ECT2L: variants seen among roughly 807,000 people sequenced by gnomAD.
ECT2L encodes epithelial cell transforming 2 like, also known as epithelial cell-transforming sequence 2 oncogene-like.
A neutral mutation model predicts 122.8 loss-of-function variants in ECT2L; 126 were observed. The observed-to-expected ratio is 1.03, with a 90% CI of 0.89 to 1.19. The LOEUF is 1.19. ECT2L is among the 50% of genes most tolerant of loss of function. The pLI, the probability that ECT2L is intolerant of heterozygous loss-of-function variation, is 0.00. For synonymous variants in ECT2L, 385 were observed against 381.8 expected (o/e 1.01, Z -0.10); for missense variants, 1,012 against 1,064.1 (o/e 0.95, Z 0.68).
intron 20 of ECT2L, among the ~76,000 whole-genome samples, chr6:138,890,453 C>G (rs369199479): frequency 7.1e-6 from 1 of 141,556 alleles, no homozygotes; most frequent in Non-Finnish European, 1.5e-5. Flanking sequence ...CACAATATGT[C>G]ACTTTTCTCA....
At chr6:138,901,260 T>A in intron 21 of ECT2L, 140 bp downstream of exon 21, 1 of 862,692 alleles carries the variant, frequency 1.2e-6, no homozygotes, top group Non-Finnish European at 1.7e-6. Flanking sequence ...AGAATTTCAT[T>A]AAACAATGTA....
chr6:138,861,299 G>A (rs546848532), intron 10 of ECT2L, among the ~76,000 whole-genome samples: 24 of 152,182 alleles, frequency 1.6e-4, no homozygotes, highest in East Asian at 1.2e-3. Context: ...TTGAGGAATC[G>A]CCACACTGTC....
intron 1 of ECT2L, among the ~76,000 whole-genome samples, chr6:138,797,596 A>G (rs1775388452): frequency 1.3e-5 from 2 of 151,988 alleles, no homozygotes; most frequent in South Asian, 2.1e-4. Flanking sequence ...TGGGCTGGCA[A>G]TTGTTCAGCC....
intron 4 of ECT2L, among the ~76,000 whole-genome samples, chr6:138,825,604 G>T (rs571795573): frequency 3.6e-4 from 54 of 152,018 alleles, no homozygotes; most frequent in Non-Finnish European, 6.2e-4. Context: ...GAAAAGAAAA[G>T]AAAAGAATAC....
rs950001633 is a variant in ECT2L at position 138,840,804 on chromosome 6, T to G, written c.343-2175T>G. ...TTTTGAGTCTGAGACTTAATATCTT[T>G]TATCAGTTTTGAAATGTTCTCAGAT... is the stretch of plus-strand genomic sequence containing the variant. On this transcript the variant is annotated intron_variant, in intron 5 of 21. Transcript: ENST00000541398. Among the ~76,000 whole-genome samples the G allele has an allele frequency of 6.6e-5, 10 of 152,284 alleles. No individual in the cohort carries two copies. The East Asian group carries it at 1.9e-3, about 29-fold the overall frequency.
intron 4 of ECT2L, among the ~76,000 whole-genome samples, chr6:138,832,054 T>C (rs761214171): frequency 5.3e-5 from 8 of 152,186 alleles, no homozygotes; most frequent in African/African-American, 1.4e-4. Flanking sequence ...TAAATGACTT[T>C]ATAATATTCA....
At chr6:138,831,537 C>T (rs954232248) in intron 4 of ECT2L, among the ~76,000 whole-genome samples, 2 of 152,198 alleles carry the variant, frequency 1.3e-5, no homozygotes, top group Non-Finnish European at 2.9e-5. Flanking sequence ...TCTTCTACCT[C>T]CACTGCCTTC....
At chr6:138,875,842 C>T (rs568792151) in intron 13 of ECT2L, among the ~76,000 whole-genome samples, 67 of 152,318 alleles carry the variant, frequency 4.4e-4, no homozygotes, top group African/African-American at 1.4e-3. Flanking sequence ...GTTACCTGGC[C>T]AGACTTGGTG....
rs369578701 is a variant in ECT2L at position 138,852,648 on chromosome 6, C to T, written c.1070-1378C>T. Among the ~76,000 whole-genome samples, 64 of 152,270 alleles carry T rather than the reference C, an allele frequency of 4.2e-4. 1 individual carries two copies. Among genetic ancestry groups the T allele is most frequent in the African/African-American group, 1.3e-3 (53 of 41,544 alleles). ...TTTATCATTGGCAGAAACGAATTGACGTTTGTTTCACTTTACCTTACTTCT... is the reference window on the plus strand; with the variant it reads ...TTTATCATTGGCAGAAACGAATTGATGTTTGTTTCACTTTACCTTACTTCT... On this transcript the variant is annotated intron_variant, in intron 9 of 21. Coordinates refer to ENST00000541398, the MANE Select transcript of ECT2L (RefSeq NM_001077706.3).
In ECT2L at chr6:138,903,909, T is replaced by C. The variant is rs892968024; in HGVS notation, c.*1282T>C. The C allele has an allele frequency of 2.0e-5, 3 of 152,214 alleles. No individual in the cohort carries two copies. The highest frequency in any genetic ancestry group is 7.2e-5 in the African/African-American group (3 of 41,464). 9.4% of individuals were successfully genotyped at this position (152,214 alleles called of 1,614,324 possible). A position where few individuals can be genotyped will look rare whatever the true frequency, so the allele number is the denominator to read the frequency against. Reference sequence around the variant, plus strand: ...AGTAACAAAGTCTATCGGTGCAGTTTAGGACTGTGAATCTATAGTATTTAA... The same window carrying C: ...AGTAACAAAGTCTATCGGTGCAGTTCAGGACTGTGAATCTATAGTATTTAA... On this transcript the variant is annotated 3_prime_UTR_variant, in exon 22 of 22. Transcript: ENST00000541398.
intron 20 of ECT2L, among the ~76,000 whole-genome samples, chr6:138,893,778 G>GC (rs1404790964): frequency 1.3e-5 from 2 of 152,054 alleles, no homozygotes; most frequent in African/African-American, 4.8e-5. Flanking sequence ...GCTCCTAGAG[G>GC]CAAAACTCAC....
intron 4 of ECT2L, among the ~76,000 whole-genome samples, chr6:138,836,478 A>G (rs1776844932): frequency 6.6e-6 from 1 of 151,828 alleles, no homozygotes; most frequent in African/African-American, 2.4e-5. Flanking sequence ...TAGTAGAGAC[A>G]GGTTTCACCA....
intron 4 of ECT2L, among the ~76,000 whole-genome samples, chr6:138,816,311 G>T (rs901319814): frequency 3.3e-5 from 5 of 152,118 alleles, no homozygotes; most frequent in Non-Finnish European, 7.3e-5. Flanking sequence ...ACTGGAAATT[G>T]CATCCTTTGT....
chr6:138,819,892 A>T (rs1356744896), intron 4 of ECT2L, among the ~76,000 whole-genome samples: 2 of 152,068 alleles, frequency 1.3e-5, no homozygotes, highest in African/African-American at 2.4e-5. Flanking sequence ...ATGTACCAAA[A>T]AAAAAACAAA....
At chr6:138,855,183 CAT>C (rs200256132) in intron 10 of ECT2L, among the ~76,000 whole-genome samples, 1 of 151,652 alleles carries the variant, frequency 6.6e-6, no homozygotes, top group Non-Finnish European at 1.5e-5. Context: ...TATTTATATA[CAT>C]ATATATATTT....
At chr6:138,811,339 G>T (rs931853965) in intron 1 of ECT2L, among the ~76,000 whole-genome samples, 2 of 152,174 alleles carry the variant, frequency 1.3e-5, no homozygotes, top group African/African-American at 4.8e-5. Flanking sequence ...GAGCTGCAGG[G>T]CCTTCAGTGA....
intron 21 of ECT2L, 129 bp downstream of exon 21, chr6:138,901,249 T>C: frequency 1.1e-6 from 1 of 925,444 alleles, no homozygotes; most frequent in Non-Finnish European, 1.6e-6. Flanking sequence ...CCCCCAATAT[T>C]AGAATTTCAT....
intron 12 of ECT2L, among the ~76,000 whole-genome samples, chr6:138,866,072 T>A (rs1778025096): frequency 6.6e-6 from 1 of 152,184 alleles, no homozygotes; most frequent in East Asian, 1.9e-4. Flanking sequence ...CTACCTACTC[T>A]ATCACATTTA....
At chr6:138,842,494 G>A (rs1055740770) in intron 5 of ECT2L, among the ~76,000 whole-genome samples, 3 of 147,182 alleles carry the variant, frequency 2.0e-5, no homozygotes, top group Admixed American at 6.8e-5. Flanking sequence ...ATAAAAGTCC[G>A]GGTGCGGTGG....
Sources: allele counts gnomAD v4.1 joint callset (sites outside exome capture counted in the v4.1 genomes callset), GRCh38; gene constraint gnomAD v4.1.1; transcripts MANE v1.5; gene names NCBI Gene and HGNC (gene_info 2026-07-23, HGNC 2026-07-21).